TBC1D15: variants seen among roughly 807,000 people sequenced by gnomAD.
The protein encoded by TBC1D15 is TBC1 domain family member 15.
In TBC1D15, 39 loss-of-function variants were observed where a neutral mutation model predicts 95.4. The ratio of observed to expected loss-of-function variants is 0.41; its 90% confidence interval spans 0.32 to 0.53. TBC1D15 has a LOEUF of 0.53. Ranked by LOEUF, TBC1D15 falls within the 20% of genes least tolerant of loss-of-function variation. The pLI, the probability that TBC1D15 is intolerant of heterozygous loss-of-function variation, is 0.29. For missense variants in TBC1D15, 733 were observed against 794.3 expected, an observed-to-expected ratio of 0.92 and a Z score of 0.93; for synonymous variants, 258 against 261.3, an observed-to-expected ratio of 0.99 and a Z score of 0.12.
rs758014976 is a variant in TBC1D15, at chr12:71,923,053, T to C, written c.1874T>C (p.Val625Ala). The C allele has an allele frequency of 1.5e-5, 24 of 1,614,236 alleles. No individual in the cohort carries two copies. Among genetic ancestry groups the C allele is most frequent in the Middle Eastern group, 1.6e-4 (1 of 6,062 alleles). Residue 625 changes from valine to alanine, a missense_variant, in exon 17 of 17, where the codon GTT becomes GCT. By Grantham distance (64) the Val-to-Ala change is moderately conservative. Coordinates refer to ENST00000485960, the MANE Select transcript of TBC1D15 (RefSeq NM_001146213.3). ...GSEVTTPDSD[V>A]GEDENVVMTP... ...GAAGTTACAACACCAGATTCAGACG[T>C]TGGTGAAGACGAAAATGTTGTCATG... is the stretch of plus-strand genomic sequence containing the variant.
At chr12:71,862,435 T>C (rs1298914015) in intron 1 of TBC1D15, among the ~76,000 whole-genome samples, 1 of 152,206 alleles carries the variant, frequency 6.6e-6, no homozygotes, top group African/African-American at 2.4e-5. Flanking sequence ...ATAATAACCT[T>C]CTTTGTCTCT....
intron 5 of TBC1D15, among the ~76,000 whole-genome samples, chr12:71,887,118 TGTGA>T (rs1226119636): frequency 1.3e-5 from 2 of 152,106 alleles, no homozygotes; most frequent in African/African-American, 2.4e-5. Flanking sequence ...TGTGGTATTC[TGTGA>T]GTAAGTATCA....
At chr12:71,871,964 T>A in intron 1 of TBC1D15, 106 bp from the exon 2 acceptor site, 1 of 441,322 alleles carries the variant, frequency 2.3e-6, no homozygotes, top group East Asian at 3.6e-5. Flanking sequence ...TATGAAATAA[T>A]CAGAAACTTG....
At chr12:71,848,701 C>A (rs1182273901) in intron 1 of TBC1D15, among the ~76,000 whole-genome samples, 12 of 152,012 alleles carry the variant, frequency 7.9e-5, no homozygotes, top group Non-Finnish European at 1.5e-5. Context: ...AATGTTATGT[C>A]AAAGTTTGTT....
chr12:71,870,696 T>C lies in TBC1D15; in HGVS notation c.31-1374T>C, dbSNP rs111421736. Among the ~76,000 whole-genome samples, 387 of 152,330 alleles carry C rather than the reference T, an allele frequency of 2.5e-3. 1 individual carries two copies. The highest frequency in any genetic ancestry group is 8.8e-3 in the African/African-American group (367 of 41,572). On this transcript the variant is annotated intron_variant, in intron 1 of 16. Transcript: ENST00000485960. ...ATTATTTGCCTCATTTGGGCAGTTA[T>C]TTCACCACTTTCAGTTGTCTTATTC...
chr12:71,890,304 A>G (rs554218836), intron 5 of TBC1D15, among the ~76,000 whole-genome samples: 27 of 152,244 alleles, frequency 1.8e-4, no homozygotes, highest in African/African-American at 4.6e-4. Context: ...TCTTATTTCT[A>G]TGGTCAAAGA....
At position 71,922,337 on chromosome 12, in the gene TBC1D15, G is replaced by A. The variant is rs763233638; in HGVS notation, c.1804-646G>A. ...TGACTTCAGGTGATCCACCCACCTC[G>A]GCCTCACAAAGTGCTGGGATTACAG... On this transcript the variant is annotated intron_variant, in intron 16 of 16. Coordinates refer to ENST00000485960, the MANE Select transcript of TBC1D15 (RefSeq NM_001146213.3). 4.6e-4 allele frequency among the ~76,000 whole-genome samples: 70 copies of A among 151,844 alleles called. 1 individual carries two copies. Among genetic ancestry groups the A allele is most frequent in the Non-Finnish European group, 1.0e-4 (7 of 67,974 alleles).
At position 71,911,410 on chromosome 12, in the gene TBC1D15, T is replaced by C. The variant is rs1051765808; in HGVS notation, c.1301-2416T>C. On this transcript the variant is annotated intron_variant, in intron 11 of 16. Transcript: ENST00000485960. ...AATGATAGACTGGATTAAGAAAATG[T>C]GGCACATATACACCATGGAATACTA... 5.3e-3 allele frequency among the ~76,000 whole-genome samples: 809 copies of C among 151,948 alleles called. 12 individuals are homozygous for C. The highest frequency in any genetic ancestry group is 0.018 in the African/African-American group (751 of 41,440).
chr12:71,904,019 G>GA (rs1192775240), intron 10 of TBC1D15, among the ~76,000 whole-genome samples: 9 of 151,648 alleles, frequency 5.9e-5, no homozygotes, highest in Admixed American at 1.3e-4. Flanking sequence ...AACTTGGGAG[G>GA]AAAAAAAATA....
chr12:71,899,695 A>G (rs1039478807), intron 10 of TBC1D15, among the ~76,000 whole-genome samples: 4 of 152,184 alleles, frequency 2.6e-5, no homozygotes, highest in Non-Finnish European at 5.9e-5. Context: ...TTTTAAAATC[A>G]TTTTTACTGC....
At chr12:71,859,278 C>T (rs1204740528) in intron 1 of TBC1D15, among the ~76,000 whole-genome samples, 4 of 151,646 alleles carry the variant, frequency 2.6e-5, no homozygotes, top group African/African-American at 9.7e-5. Context: ...GCTTATTTGC[C>T]CATTTTGAAA....
At chr12:71,870,060 T>G (rs955193116) in intron 1 of TBC1D15, among the ~76,000 whole-genome samples, 1 of 152,110 alleles carries the variant, frequency 6.6e-6, no homozygotes, top group Admixed American at 6.6e-5. Flanking sequence ...TTCATAAAAG[T>G]GTAAATGTCA....
chr12:71,871,933 T>C, intron 1 of TBC1D15, 137 bp from the exon 2 acceptor site: 1 of 403,758 alleles, frequency 2.5e-6, no homozygotes. Flanking sequence ...GAGAGGTATT[T>C]TTTTAAATAA....
At chr12:71,914,680 G>A (rs1903256348) in intron 12 of TBC1D15, among the ~76,000 whole-genome samples, 2 of 151,968 alleles carry the variant, frequency 1.3e-5, no homozygotes, top group African/African-American at 2.4e-5. Flanking sequence ...CTAACATACT[G>A]GATGCTGGGC....
chr12:71,848,089 CT>C (rs1409070018), intron 1 of TBC1D15, among the ~76,000 whole-genome samples: 1 of 152,180 alleles, frequency 6.6e-6, no homozygotes, highest in Non-Finnish European at 1.5e-5. Context: ...AAGAGCGAAA[CT>C]CTGTCTCGAA....
At chr12:71,841,394 G>T (rs1884962250) in intron 1 of TBC1D15, among the ~76,000 whole-genome samples, 1 of 152,072 alleles carries the variant, frequency 6.6e-6, no homozygotes, top group Non-Finnish European at 1.5e-5. Context: ...CTCATTCACT[G>T]CAAATTCACA....
Position 71,872,088 on chromosome 12 carries a change from G to A in TBC1D15, c.49G>A (p.Gly17Arg). 1 of 1,536,538 alleles carries A rather than the reference G, an allele frequency of 6.5e-7. No individual in the cohort carries two copies. Among genetic ancestry groups the A allele is most frequent in the Middle Eastern group, 1.7e-4 (1 of 5,844 alleles). The change falls in exon 2 of 17, where the codon GGA (glycine) becomes AGA (arginine). Residue 17 changes from glycine to arginine, a missense_variant. Coordinates refer to ENST00000485960, the MANE Select transcript of TBC1D15 (RefSeq NM_001146213.3). ...VSGKIIYEQE[G>R]VYIHSSCGKT... ...GTTTTAGATTATATATGAACAAGAA[G>A]GAGTATATATTCACTCATCTTGTGG...
chr12:71,849,400 C>G, intron 1 of TBC1D15: 1 of 1,376,122 alleles, frequency 7.3e-7, no homozygotes, highest in South Asian at 1.2e-5. Flanking sequence ...GAGCCACTTC[C>G]CATGAACATA....
chr12:71,873,631 T>TG (rs1421937410), intron 3 of TBC1D15, among the ~76,000 whole-genome samples: 1 of 152,218 alleles, frequency 6.6e-6, no homozygotes, highest in African/African-American at 2.4e-5. Flanking sequence ...GTTTAACATT[T>TG]GGGGGAACTG....
Sources: gnomAD v4.1 joint callset for allele counts (sites outside exome capture counted in the v4.1 genomes callset) on GRCh38, gnomAD v4.1.1 for gene constraint, MANE v1.5 for transcripts, NCBI Gene and HGNC (gene_info 2026-07-23, HGNC 2026-07-21) for gene names.